The following CENPF variants were observed in gnomAD, a reference collection of about 807,000 sequenced individuals.
The protein encoded by CENPF is centromere protein F.
Under a neutral mutation model 307.3 loss-of-function variants are expected in CENPF, and 214 were observed. The ratio of observed to expected loss-of-function variants is 0.70; its 90% CI spans 0.62 to 0.78. The LOEUF is 0.78. Among genes scored for constraint, CENPF ranks in the 30% least tolerant of loss-of-function variants. The pLI is 0.00. For synonymous variants in CENPF, 1,259 were observed against 1,270.6 expected (o/e 0.99, Z 0.19); for missense variants, 3,401 against 3,483.9 (o/e 0.98, Z 0.60).
chr1:214,630,398 T>G (rs576933624), intron 8 of CENPF, 136 bp from the exon 9 acceptor site: 1 of 1,031,564 alleles, frequency 9.7e-7, no homozygotes, highest in East Asian at 2.4e-5. Flanking sequence ...TGTTCATCGT[T>G]AAGTGGACAG....
chr1:214,640,285 T>C lies in CENPF; in HGVS notation c.1947T>C (p.Thr649=). 6.2e-7 allele frequency: 1 copy of C among 1,613,940 alleles called. No homozygotes were observed. The highest frequency in any genetic ancestry group is 8.5e-7 in the Non-Finnish European group (1 of 1,179,988). Residue 649 remains threonine, a synonymous_variant, in exon 12 of 20, where the codon ACT becomes ACC. Coordinates refer to ENST00000366955, the MANE Select transcript of CENPF (RefSeq NM_016343.4). ...NLQSKINHLE[T]CLKTQQIKSH... ...AGAGTAAAATTAATCACTTGGAAAC[T>C]TGTCTGAAGACACAGCAAATAAAAA...
In CENPF at chr1:214,637,952, C is replaced by T; in HGVS notation, c.1533C>T (p.Asn511=). 6.2e-7 allele frequency: 1 copy of T among 1,613,514 alleles called. No homozygotes were observed. The highest frequency in any genetic ancestry group is 8.5e-7 in the Non-Finnish European group (1 of 1,179,856). ...EVCHLEAELK[N]IKQCLNQSQN... ...GCCACCTGGAGGCAGAACTCAAGAA[C>T]ATCAAACAGTGTTTAAATCAGAGCC... is the stretch of plus-strand genomic sequence containing the variant. Residue 511 remains asparagine (N), a synonymous_variant, in exon 11 of 20, where the codon AAC becomes AAT. Transcript: ENST00000366955.
intron 12 of CENPF, among the ~76,000 whole-genome samples, chr1:214,644,209 C>G (rs1571717920): frequency 1.3e-5 from 2 of 152,198 alleles, no homozygotes; most frequent in East Asian, 3.8e-4. Flanking sequence ...TTTTGTTAGC[C>G]TCTTATTTAA....
Position 214,663,702 on chromosome 1 carries a change from A to G in CENPF, c.9253A>G (p.Arg3085Gly), listed in dbSNP as rs761749984. 1 of 1,614,050 alleles carries G rather than the reference A, an allele frequency of 6.2e-7. No individual in the cohort carries two copies. Among genetic ancestry groups the G allele is most frequent in the Non-Finnish European group, 8.5e-7 (1 of 1,180,020 alleles). ...TGAGAGAAGTCCGACTGACAGCCCC[A>G]GAGAGGGCCTGAGGGTCAAGCGAGG... ...LPERSPTDSPREGLRVKRGRL... is the reference protein window; with the variant it reads ...LPERSPTDSPGEGLRVKRGRL... The change falls in exon 20 of 20, where the codon AGA becomes GGA. Residue 3085 changes from arginine to glycine, a missense_variant. By Grantham distance (125) the Arg-to-Gly change is moderately radical. Transcript: ENST00000366955.
rs761432420 is a variant in CENPF at position 214,645,129 on chromosome 1, C to G, written c.5559C>G (p.His1853Gln). 3.1e-6 allele frequency: 5 copies of G among 1,613,494 alleles called. No individual in the cohort carries two copies. In the Admixed American group the frequency reaches 8.3e-5, roughly 27 times the overall value. Residue 1853 changes from histidine (H) to glutamine (Q), a missense_variant, in exon 13 of 20, where the codon CAC becomes CAG. His to Gln is a conservative substitution (Grantham distance 24). Transcript: ENST00000366955. ...SEKLEYFSCDHQELLQRVETS... is the reference protein window; with the variant it reads ...SEKLEYFSCDQQELLQRVETS... ...AATTGGAATATTTTTCTTGTGATCA[C>G]CAGGAGTTACTCCAGAGAGTAGAAA...
At chr1:214,631,086 C>T (rs1657796008) in intron 9 of CENPF, among the ~76,000 whole-genome samples, 1 of 152,206 alleles carries the variant, frequency 6.6e-6, no homozygotes, top group South Asian at 2.1e-4. Flanking sequence ...GATGTCTATT[C>T]TAGACTTCAG....
At chr1:214,658,131 G>GTTA (rs1658691689) in intron 18 of CENPF, among the ~76,000 whole-genome samples, 1 of 152,044 alleles carries the variant, frequency 6.6e-6, no homozygotes, top group South Asian at 2.1e-4. Flanking sequence ...AGTAACTCTA[G>GTTA]CCCAAAAATA....
intron 11 of CENPF, among the ~76,000 whole-genome samples, chr1:214,639,000 G>A (rs1235194220): frequency 6.6e-6 from 1 of 152,186 alleles, no homozygotes; most frequent in Non-Finnish European, 1.5e-5. Context: ...AGCCCTTGTG[G>A]TGCTGTCTAC....
Position 214,652,945 on chromosome 1 carries a change from T to C in CENPF, c.8278T>C (p.Leu2760=). Residue 2760 remains leucine, a synonymous_variant, in exon 16 of 20, where the codon TTG becomes CTG. Transcript: ENST00000366955. ...KSSKEELNNS[L]KATTQILEEL... ...TAGTAAAGAAGAGCTCAATAATTCA[T>C]TGAAAGCTACTACTCAGATTTTGGA... 2.5e-6 allele frequency: 4 copies of C among 1,607,222 alleles called. No individual in the cohort carries two copies. Among genetic ancestry groups the C allele is most frequent in the Non-Finnish European group, 3.4e-6 (4 of 1,178,088 alleles).
Position 214,651,858 on chromosome 1 carries a change from A to G in CENPF, c.8132A>G (p.Gln2711Arg). Residue 2711 changes from glutamine to arginine, a missense_variant, in exon 15 of 20, where the codon CAG (glutamine) becomes CGG (arginine). Gln to Arg is a conservative substitution (Grantham distance 43). Coordinates refer to ENST00000366955, the MANE Select transcript of CENPF (RefSeq NM_016343.4). ...CTTCATGAAGCTGAAAAGAAACACC[A>G]GGCTTTGCTTTTGGACACAAACAAA... Reference protein sequence around the residue: ...LRLHEAEKKHQALLLDTNKQY... With the variant: ...LRLHEAEKKHRALLLDTNKQY... The G allele has an allele frequency of 6.2e-7, 1 of 1,608,664 alleles. No homozygotes were observed. Among genetic ancestry groups the G allele is most frequent in the Non-Finnish European group, 8.5e-7 (1 of 1,178,596 alleles).
chr1:214,641,688 A>G lies in CENPF; in HGVS notation c.3350A>G (p.Asn1117Ser), dbSNP rs747001633. The change falls in exon 12 of 20, where the codon AAC becomes AGC. Residue 1117 changes from asparagine to serine, a missense_variant. By Grantham distance (46) the Asn-to-Ser change is conservative. Transcript: ENST00000366955. Reference sequence around the variant, plus strand: ...GCTCTGAGATCTGAGATGACAGATAACCAAAACAATTCTAAGAGCGAGGCT... The same window carrying G: ...GCTCTGAGATCTGAGATGACAGATAGCCAAAACAATTCTAAGAGCGAGGCT... ...QQALRSEMTD[N>S]QNNSKSEAGG... 6.3e-7 allele frequency: 1 copy of G among 1,581,478 alleles called. No individual in the cohort carries two copies. Among genetic ancestry groups the G allele is most frequent in the South Asian group, 1.2e-5 (1 of 85,138 alleles).
rs764134401 is a variant in CENPF, at chr1:214,646,372, C to T, written c.6802C>T (p.Leu2268=). Residue 2268 remains leucine (L), a synonymous_variant, in exon 13 of 20, where the codon CTA becomes TTA. Transcript: ENST00000366955. ...GATGCTTCAGAATCAGTTAAAGGAGCTAAATGAGGCAGTAGCAGCCTTGTG... is the reference window on the plus strand; with the variant it reads ...GATGCTTCAGAATCAGTTAAAGGAGTTAAATGAGGCAGTAGCAGCCTTGTG... The part of the protein sequence containing the change: ...VEMLQNQLKE[L]NEAVAALCGD... 1.2e-6 allele frequency: 2 copies of T among 1,614,018 alleles called. No individual in the cohort carries two copies. Among genetic ancestry groups the T allele is most frequent in the Admixed American group, 3.3e-5 (2 of 60,006 alleles).
At chr1:214,613,185 G>A (rs1657243589) in intron 1 of CENPF, 2 of 249,994 alleles carry the variant, frequency 8.0e-6, no homozygotes, top group South Asian at 1.2e-4. Flanking sequence ...TGGGCATTTA[G>A]GATACATTCT....
In CENPF at chr1:214,644,677, A is replaced by G. The variant is rs1571718339; in HGVS notation, c.5107A>G (p.Asn1703Asp). 3.7e-6 allele frequency: 6 copies of G among 1,613,646 alleles called. No individual in the cohort carries two copies. The African/African-American group carries it at 4.0e-5, about 11-fold the overall frequency. The change falls in exon 13 of 20, where the codon AAT becomes GAT. Residue 1703 changes from asparagine to aspartate, a missense_variant. Physicochemically the swap from Asn to Asp is conservative, Grantham distance 23. Coordinates refer to ENST00000366955, the MANE Select transcript of CENPF (RefSeq NM_016343.4). ...ICDKDAQQDL[N>D]LDIEKITETG... The stretch of plus-strand genomic sequence containing the variant: ...TGATAAAGATGCTCAGCAGGACCTC[A>G]ATCTAGACATTGAGAAAATAACTGA...
At chr1:214,631,858 ACT>A (rs1322608342) in intron 9 of CENPF, among the ~76,000 whole-genome samples, 1 of 152,030 alleles carries the variant, frequency 6.6e-6, no homozygotes, top group African/African-American at 2.4e-5. Flanking sequence ...TGTAGCAGTT[ACT>A]CTCCTACCAG....
In CENPF at chr1:214,605,891, T is replaced by C. The variant is rs533777603; in HGVS notation, c.-42+2570T>C. On this transcript the variant is annotated intron_variant, in intron 1 of 19. Transcript: ENST00000366955. ...CACGGGCGACGTGATCTTGGACACC[T>C]TCTCGATGTTAGGGAAGGCGTCGAA... 314 of 1,597,342 alleles carry C rather than the reference T, an allele frequency of 2.0e-4. 1 individual carries two copies. The African/African-American group carries it at 3.8e-3, about 20-fold the overall frequency.
At chr1:214,608,676 G>A in intron 1 of CENPF, 2 of 1,597,818 alleles carry the variant, frequency 1.3e-6, no homozygotes, top group Admixed American at 3.4e-5. Flanking sequence ...AGGCCCGCAG[G>A]GTCCCCAAGG....
At chr1:214,618,840 C>T in intron 4 of CENPF, 146 bp downstream of exon 4, 1 of 792,156 alleles carries the variant, frequency 1.3e-6, no homozygotes, top group East Asian at 2.8e-5. Context: ...TATCCATTTG[C>T]ATATCTGTTG....
Position 214,642,595 on chromosome 1 carries a change from A to T in CENPF, c.4257A>T (p.Lys1419Asn). The T allele has an allele frequency of 6.2e-7, 1 of 1,608,882 alleles. No homozygotes were observed. Among genetic ancestry groups the T allele is most frequent in the Non-Finnish European group, 8.5e-7 (1 of 1,177,482 alleles). ...TCTTATCTTTACAAAGTGAACACAA[A>T]ATTTTACATGATCAGCACTGTCAGA... ...EKFLSLQSEHKILHDQHCQMS... is the reference protein window; with the variant it reads ...EKFLSLQSEHNILHDQHCQMS... The change falls in exon 12 of 20, where the codon AAA becomes AAT. Residue 1419 changes from lysine to asparagine, a missense_variant. Physicochemically the swap from Lys to Asn is moderately conservative, Grantham distance 94 (BLOSUM62 0). Transcript: ENST00000366955.
Sources: gnomAD v4.1 joint callset for allele counts (sites outside exome capture counted in the v4.1 genomes callset) on GRCh38, gnomAD v4.1.1 for gene constraint, MANE v1.5 for transcripts, NCBI Gene and HGNC (gene_info 2026-07-23, HGNC 2026-07-21) for gene names.